Variants in AHR observed in about 807,000 individuals in gnomAD.
AHR encodes the protein aryl hydrocarbon receptor.
In AHR, 40 loss-of-function variants were observed where a neutral mutation model predicts 86.8. The ratio of observed to expected loss-of-function variants is 0.46; its 90% CI spans 0.36 to 0.60. AHR has a LOEUF of 0.60. Ranked by LOEUF, AHR falls within the 20% of genes least tolerant of loss-of-function variation. The probability of loss-of-function intolerance (pLI) is 0.00; values close to 1 mark genes in which losing one functional copy is unlikely to be tolerated. For synonymous variants in AHR, 398 were observed against 354.9 expected (o/e 1.12, Z -1.37); for missense variants, 1,001 against 1,011.6 (o/e 0.99, Z 0.14).
intron 1 of AHR, among the ~76,000 whole-genome samples, chr7:17,302,154 A>G (rs1480498146): frequency 6.6e-6 from 1 of 151,976 alleles, no homozygotes; most frequent in Middle Eastern, 3.2e-3. Context: ...ATTTCAGCTT[A>G]CCTGTACATA....
chr7:17,327,375 A>G (rs1433374483), intron 3 of AHR, among the ~76,000 whole-genome samples: 4 of 152,006 alleles, frequency 2.6e-5, no homozygotes, highest in African/African-American at 4.8e-5. Flanking sequence ...TTCCCAGTTT[A>G]AGAATCTAAT....
At position 17,323,402 on chromosome 7, in the gene AHR, A is replaced by G. The variant is rs552797351; in HGVS notation, c.360+795A>G. The stretch of plus-strand genomic sequence containing the variant: ...GATTTTCTCAACAACTCCAATCCCT[A>G]TTTTTATGCTTCAGAATTTAGTTTC... On this transcript the variant is annotated intron_variant, in intron 3 of 10. Coordinates refer to ENST00000242057, the MANE Select transcript of AHR (RefSeq NM_001621.5). 5.9e-5 allele frequency among the ~76,000 whole-genome samples: 9 copies of G among 152,152 alleles called. No individual in the cohort carries two copies. The East Asian group carries it at 1.5e-3, about 26-fold the overall frequency.
Position 17,340,129 on chromosome 7 carries a change from C to G in AHR, c.2304C>G (p.Ala768=), listed in dbSNP as rs763640716. The change falls in exon 10 of 11, where the codon GCC becomes GCG. Residue 768 remains alanine (A), a synonymous_variant. Coordinates refer to ENST00000242057, the MANE Select transcript of AHR (RefSeq NM_001621.5). Reference sequence around the variant, plus strand: ...CTCCTCAGACATGTTATGCTGGGGCCGTGTCGATGTATCAGTGCCAGCCAG... The same window carrying G: ...CTCCTCAGACATGTTATGCTGGGGCGGTGTCGATGTATCAGTGCCAGCCAG... ...IITPQTCYAG[A]VSMYQCQPEP... 38 of 1,614,044 alleles carry G rather than the reference C, an allele frequency of 2.4e-5. No individual in the cohort carries two copies. Among genetic ancestry groups the G allele is most frequent in the Non-Finnish European group, 3.1e-5 (37 of 1,180,036 alleles).
intron 3 of AHR, among the ~76,000 whole-genome samples, chr7:17,327,358 A>G (rs982365928): frequency 5.3e-5 from 8 of 152,032 alleles, no homozygotes. Flanking sequence ...AGAGTTTTCT[A>G]TTAATGTTCC....
chr7:17,319,562 G>C lies in AHR; in HGVS notation c.254-2939G>C, dbSNP rs138502641. On this transcript the variant is annotated intron_variant, in intron 2 of 10. Transcript: ENST00000242057. ...ATGAAGATTAAATAGGATATAATACGTGGAAAGTGCTAGGTGTACAGTGTG... is the reference window on the plus strand; with the variant it reads ...ATGAAGATTAAATAGGATATAATACCTGGAAAGTGCTAGGTGTACAGTGTG... Among the ~76,000 whole-genome samples the C allele has an allele frequency of 4.7e-3, 721 of 152,208 alleles. 8 individuals are homozygous for C. The highest frequency in any genetic ancestry group is 0.028 in the South Asian group (135 of 4,820).
At chr7:17,333,237 A>C (rs953000064) in intron 6 of AHR, among the ~76,000 whole-genome samples, 1 of 151,870 alleles carries the variant, frequency 6.6e-6, no homozygotes, top group African/African-American at 2.4e-5. Context: ...TCTGAGGTGG[A>C]ATATCTGTGT....
At chr7:17,338,632 A>C (rs1324578697) in intron 9 of AHR, among the ~76,000 whole-genome samples, 2 of 152,208 alleles carry the variant, frequency 1.3e-5, no homozygotes, top group East Asian at 3.9e-4. Flanking sequence ...CTGCAATTAC[A>C]GGCATGCACC....
rs773482353 is a variant in AHR at position 17,339,962 on chromosome 7, A to G, written c.2137A>G (p.Lys713Glu). 2 of 1,614,062 alleles carry G rather than the reference A, an allele frequency of 1.2e-6. No individual in the cohort carries two copies. The highest frequency in any genetic ancestry group is 1.7e-6 in the Non-Finnish European group (2 of 1,180,026). Residue 713 changes from lysine to glutamate, a missense_variant, in exon 10 of 11, where the codon AAA (lysine) becomes GAA (glutamate). By Grantham distance (56) the Lys-to-Glu change is moderately conservative. This residue lies in a region of AHR where 607 missense variants were observed against 543.1 expected (regional missense o/e 1.12). Transcript: ENST00000242057. ...CNQPVLPQHS[K>E]CTELDYPMGS... ...TCAGCCTGTATTACCACAACATTCC[A>G]AATGTACAGAGCTGGACTACCCTAT...
chr7:17,332,216 A>G (rs1453516106), intron 6 of AHR, among the ~76,000 whole-genome samples: 1 of 152,024 alleles, frequency 6.6e-6, no homozygotes, highest in Non-Finnish European at 1.5e-5. Context: ...TATATATGAT[A>G]CATAATACTT....
intron 1 of AHR, among the ~76,000 whole-genome samples, chr7:17,308,616 ATAGC>A (rs772367225): frequency 2.6e-5 from 4 of 152,046 alleles, no homozygotes; most frequent in Non-Finnish European, 5.9e-5. Flanking sequence ...TTAGGGGAAA[ATAGC>A]TAGGGGAACC....
intron 10 of AHR, 28 bp from the exon 11 acceptor site, chr7:17,342,893 T>G (rs374792439): frequency 7.0e-5 from 113 of 1,605,340 alleles, no homozygotes; most frequent in Non-Finnish European, 9.4e-5. Flanking sequence ...TCTATTCCAA[T>G]AAGTTGCATC....
intron 10 of AHR, among the ~76,000 whole-genome samples, chr7:17,342,330 G>C (rs921079879): frequency 5.9e-5 from 9 of 151,840 alleles, no homozygotes; most frequent in African/African-American, 2.2e-4. Context: ...ATTTTCTTTT[G>C]GTAACTTGAT....
At chr7:17,327,082 A>C (rs1021280941) in intron 3 of AHR, among the ~76,000 whole-genome samples, 5 of 152,088 alleles carry the variant, frequency 3.3e-5, no homozygotes, top group African/African-American at 1.2e-4. Flanking sequence ...GACCCAAAGT[A>C]GGCAAAACAG....
rs1336716435 is a variant in AHR at position 17,330,892 on chromosome 7, G to T, written c.705+6G>T. The T allele has an allele frequency of 6.2e-7, 1 of 1,610,040 alleles. No individual in the cohort carries two copies. Among genetic ancestry groups the T allele is most frequent in the Middle Eastern group, 1.7e-4 (1 of 6,004 alleles). ...ATAATTCATCTGGTTTTCTGGTAAGGTACAAAATTTTATGATACTGGCTTT... is the reference window on the plus strand; with the variant it reads ...ATAATTCATCTGGTTTTCTGGTAAGTTACAAAATTTTATGATACTGGCTTT... On this transcript the variant is annotated splice_donor_region_variant and intron_variant, in intron 6 of 10. Coordinates refer to ENST00000242057, the MANE Select transcript of AHR (RefSeq NM_001621.5).
At position 17,303,436 on chromosome 7, in the gene AHR, A is replaced by T. The variant is rs377145722; in HGVS notation, c.65+4107A>T. 2.2e-4 allele frequency among the ~76,000 whole-genome samples: 34 copies of T among 152,164 alleles called. No homozygotes were observed. The East Asian group carries it at 4.3e-3, about 19-fold the overall frequency. On this transcript the variant is annotated intron_variant, in intron 1 of 10. Coordinates refer to ENST00000242057, the MANE Select transcript of AHR (RefSeq NM_001621.5). ...AGGGATTTTCACTGTTTCTTCTCAG[A>T]TAGTGTTATGGCTGAAATAAATTAT...
At position 17,340,311 on chromosome 7, in the gene AHR, G is replaced by A. The variant is rs1782406964; in HGVS notation, c.2403+83G>A. The stretch of plus-strand genomic sequence containing the variant: ...ATGTTACACATTTTTTATGTCAGCT[G>A]ATTTTAATCGGTTATCTACAGCATT... On this transcript the variant is annotated intron_variant, in intron 10 of 10. Coordinates refer to ENST00000242057, the MANE Select transcript of AHR (RefSeq NM_001621.5). 5.5e-6 allele frequency: 8 copies of A among 1,458,626 alleles called. No homozygotes were observed. The South Asian group carries it at 7.5e-5, about 14-fold the overall frequency. 90.4% of individuals were successfully genotyped at this position (1,458,626 alleles called of 1,614,324 possible).
chr7:17,305,913 G>A, intron 1 of AHR, among the ~76,000 whole-genome samples: 1 of 152,234 alleles, frequency 6.6e-6, no homozygotes, highest in South Asian at 2.1e-4. Flanking sequence ...TGTTGGGCCT[G>A]TTACCACCAG....
chr7:17,303,084 C>T (rs1781970559), intron 1 of AHR, among the ~76,000 whole-genome samples: 1 of 152,008 alleles, frequency 6.6e-6, no homozygotes, highest in African/African-American at 2.4e-5. Flanking sequence ...CAGTACCTTT[C>T]TACTTTTATG....
rs1214801161 is a variant in AHR at position 17,298,757 on chromosome 7, G to T, written c.-508G>T. On this transcript the variant is annotated 5_prime_UTR_variant, in exon 1 of 11. Transcript: ENST00000242057. The stretch of plus-strand genomic sequence containing the variant: ...CCGAACGGAAGCTGGGAGCAGCCGG[G>T]ACTGGTGGCCCGCGCCCGAGCTCCG... The T allele has an allele frequency of 7.5e-6, 3 of 397,912 alleles. No individual in the cohort carries two copies. Among genetic ancestry groups the T allele is most frequent in the Admixed American group, 8.8e-5 (2 of 22,684 alleles). The allele number at this position is 397,912 out of a possible 1,614,324, so 24.6% of individuals were successfully genotyped here.
Sources: gnomAD v4.1 joint callset for allele counts (sites outside exome capture counted in the v4.1 genomes callset) on GRCh38, gnomAD v4.1.1 for gene constraint, gnomAD v4.1.1 regional missense constraint, MANE v1.5 for transcripts, NCBI Gene and HGNC (gene_info 2026-07-23, HGNC 2026-07-21) for gene names.